Variants in DTNB observed in about 807,000 individuals in gnomAD.
The protein encoded by DTNB is DTN-B.
In DTNB, 63 loss-of-function variants were observed where a neutral mutation model predicts 90.7. That is an observed-to-expected ratio of 0.69 (90% confidence interval 0.57 to 0.86). DTNB has a LOEUF of 0.86. Ranked by LOEUF, DTNB falls within the 40% of genes least tolerant of loss-of-function variation. The pLI is 0.00. For synonymous variants in DTNB, 277 were observed against 286.7 expected (o/e 0.97, Z 0.34); for missense variants, 744 against 807.1 (o/e 0.92, Z 0.95).
intron 10 of DTNB, among the ~76,000 whole-genome samples, chr2:25,458,874 C>T (rs1370113870): frequency 6.6e-6 from 1 of 151,830 alleles, no homozygotes; most frequent in Non-Finnish European, 1.5e-5. Flanking sequence ...CTCGATCTCC[C>T]GACCTCGTGA....
At chr2:25,595,049 C>T (rs1268084184) in intron 6 of DTNB, 3 of 152,080 alleles carry the variant, frequency 2.0e-5, no homozygotes, top group African/African-American at 7.2e-5. Context: ...ATTATTGACA[C>T]TTTTGAAGTG....
chr2:25,625,551 A>ATT (rs66586812), intron 4 of DTNB, among the ~76,000 whole-genome samples: 19 of 73,894 alleles, frequency 2.6e-4, no homozygotes, highest in Non-Finnish European at 3.3e-4. Context: ...TAACTCACTC[A>ATT]TTTTTTTTTT....
chr2:25,565,323 A>G (rs1179292755), intron 8 of DTNB, among the ~76,000 whole-genome samples: 1 of 152,038 alleles, frequency 6.6e-6, no homozygotes, highest in Non-Finnish European at 1.5e-5. Flanking sequence ...TGCAGCCTCA[A>G]CCTCCCAGGC....
At chr2:25,506,500 C>G (rs1328232046) in intron 9 of DTNB, among the ~76,000 whole-genome samples, 5 of 151,842 alleles carry the variant, frequency 3.3e-5, no homozygotes, top group Non-Finnish European at 7.4e-5. Flanking sequence ...AGTTATTTTT[C>G]CTGATCCTCT....
intron 8 of DTNB, among the ~76,000 whole-genome samples, chr2:25,536,673 G>T (rs2079870186): frequency 6.6e-6 from 1 of 152,206 alleles, no homozygotes; most frequent in Admixed American, 6.5e-5. Flanking sequence ...GTACAGTCCA[G>T]GCTCCGCAAG....
intron 4 of DTNB, among the ~76,000 whole-genome samples, chr2:25,625,460 G>A (rs980147277): frequency 6.6e-6 from 1 of 150,778 alleles, no homozygotes; most frequent in African/African-American, 2.4e-5. Flanking sequence ...CATTTATTCT[G>A]ATACCATGGT....
In DTNB at chr2:25,586,236, T is replaced by C. The variant is rs191652317; in HGVS notation, c.604-5410A>G. Among the ~76,000 whole-genome samples, 1,316 of 152,060 alleles carry C rather than the reference T, an allele frequency of 8.7e-3. 20 individuals are homozygous for C. The highest frequency in any genetic ancestry group is 0.012 in the Admixed American group (181 of 15,278). On this transcript the variant is annotated intron_variant, in intron 6 of 20. Coordinates refer to ENST00000406818, the MANE Select transcript of DTNB (RefSeq NM_021907.5). The stretch of plus-strand genomic sequence containing the variant: ...GCTTCATTAAGCACGGGCGGCCAGG[T>C]GCGGTGGCTCACACCTATAATCCCA...
intron 1 of DTNB, among the ~76,000 whole-genome samples, chr2:25,672,203 CAAAAAAAAAA>C (rs5829985): frequency 2.3e-3 from 98 of 42,462 alleles, no homozygotes; most frequent in Non-Finnish European, 3.1e-3. Flanking sequence ...CCTCGCATAG[CAAAAAAAAAA>C]AAAAAAAAAA....
chr2:25,667,022 AGGGCAGGACCC>A (rs1458961125), intron 1 of DTNB, among the ~76,000 whole-genome samples: 1 of 152,190 alleles, frequency 6.6e-6, no homozygotes, highest in Non-Finnish European at 1.5e-5. Flanking sequence ...ATTAACTCAA[AGGGCAGGACCC>A]TTGACCCACA....
chr2:25,479,294 T>C (rs932340183), intron 10 of DTNB, among the ~76,000 whole-genome samples: 13 of 152,122 alleles, frequency 8.5e-5, no homozygotes, highest in African/African-American at 2.4e-4. Context: ...TGACTTAAAA[T>C]AACAGAACAG....
At chr2:25,487,678 A>T (rs575243605) in intron 9 of DTNB, among the ~76,000 whole-genome samples, 2 of 152,322 alleles carry the variant, frequency 1.3e-5, no homozygotes, top group African/African-American at 4.8e-5. Context: ...CGTTGAGAAC[A>T]GTTTTCCAGA....
At chr2:25,497,770 A>G (rs1168588329) in intron 9 of DTNB, 1 of 152,126 alleles carries the variant, frequency 6.6e-6, no homozygotes, top group Admixed American at 6.6e-5. Flanking sequence ...TATTTATTTC[A>G]TGTAGTCAAT....
chr2:25,458,791 C>G (rs1348657535), intron 10 of DTNB, among the ~76,000 whole-genome samples: 1 of 152,124 alleles, frequency 6.6e-6, no homozygotes, highest in Admixed American at 6.5e-5. Flanking sequence ...ACTACAGGTG[C>G]CCGCCACCAA....
At chr2:25,633,674 A>C (rs1573762690) in intron 3 of DTNB, among the ~76,000 whole-genome samples, 1 of 148,178 alleles carries the variant, frequency 6.7e-6, no homozygotes, top group African/African-American at 2.5e-5. Flanking sequence ...AGTCTGGAAA[A>C]TGAGGAGCGT....
chr2:25,480,816 A>T (rs889771605), intron 10 of DTNB, among the ~76,000 whole-genome samples: 1 of 152,204 alleles, frequency 6.6e-6, no homozygotes, highest in African/African-American at 2.4e-5. Context: ...AACATCTTTG[A>T]TCTGGAGTCT....
chr2:25,611,688 T>C (rs1478393997), intron 4 of DTNB, among the ~76,000 whole-genome samples: 1 of 152,144 alleles, frequency 6.6e-6, no homozygotes, highest in African/African-American at 2.4e-5. Flanking sequence ...TCTAAAGTGA[T>C]TATATCTGGG....
intron 3 of DTNB, among the ~76,000 whole-genome samples, chr2:25,633,692 C>T (rs1306630853): frequency 6.6e-6 from 1 of 151,834 alleles, no homozygotes; most frequent in Non-Finnish European, 1.5e-5. Context: ...CGTCTCTGCC[C>T]GGCCGCTATC....
intron 8 of DTNB, among the ~76,000 whole-genome samples, chr2:25,566,797 G>T (rs1466615897): frequency 6.6e-6 from 1 of 152,226 alleles, no homozygotes; most frequent in Non-Finnish European, 1.5e-5. Flanking sequence ...TGGAGACAGG[G>T]GGTGGAAGAA....
At chr2:25,484,013 CA>C (rs1197066262) in intron 9 of DTNB, among the ~76,000 whole-genome samples, 3 of 152,212 alleles carry the variant, frequency 2.0e-5, no homozygotes, top group African/African-American at 7.2e-5. Flanking sequence ...TTGGAGGCTA[CA>C]TACATAGAGT....
Sources: gnomAD v4.1 joint callset for allele counts (sites outside exome capture counted in the v4.1 genomes callset) on GRCh38, gnomAD v4.1.1 for gene constraint, MANE v1.5 for transcripts, NCBI Gene and HGNC (gene_info 2026-07-23, HGNC 2026-07-21) for gene names.